ROBO2: variants seen among roughly 807,000 people sequenced by gnomAD.
ROBO2 encodes the protein roundabout homolog 2.
ROBO2 carries 53 observed loss-of-function variants against 160.8 expected under a neutral mutation model. The observed-to-expected ratio is 0.33, with a 90% CI of 0.26 to 0.41. ROBO2 has a LOEUF of 0.41. Among genes scored for constraint, ROBO2 ranks in the 10% least tolerant of loss-of-function variants. ROBO2 has a pLI of 1.00. For synonymous variants in ROBO2, 664 were observed against 611.7 expected, an observed-to-expected ratio of 1.09 and a Z score of -1.26; for missense variants, 1,577 against 1,722.4, an observed-to-expected ratio of 0.92 and a Z score of 1.49.
At chr3:76,756,009 A>G (rs2060948452) in intron 2 of ROBO2, among the ~76,000 whole-genome samples, 7 of 151,868 alleles carry the variant, frequency 4.6e-5, no homozygotes, top group Admixed American at 4.6e-4. Context: ...TTAATACCCT[A>G]TGTATGATAT....
chr3:75,916,192 G>T (rs1019380846), intron 1 of ROBO2, among the ~76,000 whole-genome samples: 2 of 152,128 alleles, frequency 1.3e-5, no homozygotes, highest in Non-Finnish European at 2.9e-5. Context: ...GCACATTATT[G>T]TTATGCACTG....
intron 2 of ROBO2, among the ~76,000 whole-genome samples, chr3:76,963,674 C>T (rs2079835085): frequency 1.3e-5 from 2 of 151,776 alleles, no homozygotes; most frequent in African/African-American, 4.8e-5. Flanking sequence ...TAACTTTCTT[C>T]TACCCATATT....
At chr3:76,718,804 T>C (rs527867072) in intron 2 of ROBO2, among the ~76,000 whole-genome samples, 1 of 152,358 alleles carries the variant, frequency 6.6e-6, no homozygotes, top group South Asian at 2.1e-4. Flanking sequence ...AGGTCACATA[T>C]TAAGGACTTT....
At chr3:76,608,311 G>A (rs1296675689) in intron 2 of ROBO2, among the ~76,000 whole-genome samples, 3 of 152,142 alleles carry the variant, frequency 2.0e-5, no homozygotes, top group Non-Finnish European at 4.4e-5. Context: ...ACCTTCAGTG[G>A]GGAGAGAAGA....
At chr3:76,578,063 G>C (rs1462733858) in intron 2 of ROBO2, among the ~76,000 whole-genome samples, 1 of 152,136 alleles carries the variant, frequency 6.6e-6, no homozygotes, top group Non-Finnish European at 1.5e-5. Context: ...AAAAGAGTCA[G>C]GTTGTTTAAA....
chr3:76,355,093 T>A (rs899695479), intron 2 of ROBO2, among the ~76,000 whole-genome samples: 2 of 151,310 alleles, frequency 1.3e-5, no homozygotes, highest in African/African-American at 4.8e-5. Context: ...TGTTTGCAAG[T>A]GATGCTATTA....
intron 6 of ROBO2, among the ~76,000 whole-genome samples, chr3:77,527,754 TAATC>T (rs755926402): frequency 4.7e-4 from 71 of 151,688 alleles, no homozygotes; most frequent in Non-Finnish European, 9.0e-4. Context: ...ATGTATAAAA[TAATC>T]AATTATTAGT....
At position 76,558,774 on chromosome 3, in the gene ROBO2, A is replaced by G. The variant is rs575600843; in HGVS notation, c.110-539240A>G. Among the ~76,000 whole-genome samples the G allele has an allele frequency of 2.3e-3, 345 of 152,272 alleles. 1 individual carries two copies. The highest frequency in any genetic ancestry group is 7.8e-3 in the African/African-American group (324 of 41,570). ...CTTGAAACATTGAACAATCGTTAGT[A>G]TTACATAGATATAGGCATATTGGTT... On this transcript the variant is annotated intron_variant, in intron 2 of 26. Transcript: ENST00000487694.
At chr3:76,016,756 C>T (rs1187366327) in intron 2 of ROBO2, among the ~76,000 whole-genome samples, 3 of 151,950 alleles carry the variant, frequency 2.0e-5, no homozygotes, top group Admixed American at 2.0e-4. Context: ...TCGTCTGCAC[C>T]TAGTAGGATC....
intron 2 of ROBO2, among the ~76,000 whole-genome samples, chr3:76,238,520 C>T (rs1342175563): frequency 6.6e-5 from 10 of 151,852 alleles, no homozygotes; most frequent in African/African-American, 1.5e-4. Context: ...GGGAAAACCA[C>T]GGCCATGATG....
intron 2 of ROBO2, among the ~76,000 whole-genome samples, chr3:77,162,544 G>C (rs527377419): frequency 1.3e-5 from 2 of 152,136 alleles, no homozygotes; most frequent in African/African-American, 2.4e-5. Flanking sequence ...CAAGTTCAGC[G>C]TCTTAGTGAG....
At chr3:76,119,919 T>C (rs2070664532) in intron 2 of ROBO2, among the ~76,000 whole-genome samples, 1 of 30,402 alleles carries the variant, frequency 3.3e-5, no homozygotes, top group Non-Finnish European at 7.7e-5. Flanking sequence ...CCTCCCTCCC[T>C]TCCTTCCTTC....
chr3:76,547,965 A>G (rs1285813026), intron 2 of ROBO2, among the ~76,000 whole-genome samples: 2 of 152,126 alleles, frequency 1.3e-5, no homozygotes, highest in African/African-American at 4.8e-5. Context: ...AGATTGAATT[A>G]TTTGTTTTAA....
intron 2 of ROBO2, among the ~76,000 whole-genome samples, chr3:76,892,566 G>T (rs2074430800): frequency 6.6e-6 from 1 of 151,996 alleles, no homozygotes; most frequent in African/African-American, 2.4e-5. Context: ...TGATTTCCCT[G>T]GTCCAACGTA....
intron 2 of ROBO2, among the ~76,000 whole-genome samples, chr3:76,907,845 TGTGTGTG>T (rs2075714568): frequency 6.6e-6 from 1 of 151,664 alleles, no homozygotes; most frequent in Non-Finnish European, 1.5e-5. Context: ...TGTGTGTGTG[TGTGTGTG>T]TGTTTGAGAT....
intron 2 of ROBO2, among the ~76,000 whole-genome samples, chr3:76,784,812 C>A (rs899905664): frequency 5.3e-5 from 8 of 151,140 alleles, no homozygotes; most frequent in African/African-American, 1.7e-4. Context: ...CTAGTTGTTA[C>A]CAGATGATAC....
At chr3:76,397,227 G>T (rs1337718989) in intron 2 of ROBO2, among the ~76,000 whole-genome samples, 1 of 152,144 alleles carries the variant, frequency 6.6e-6, no homozygotes, top group Non-Finnish European at 1.5e-5. Context: ...ATGGGGAAAG[G>T]ATTCCCTATT....
intron 2 of ROBO2, among the ~76,000 whole-genome samples, chr3:76,304,859 A>C (rs2071259023): frequency 1.3e-5 from 2 of 149,520 alleles, no homozygotes; most frequent in African/African-American, 2.5e-5. Context: ...CTGGACTAGA[A>C]AGATTTTTCT....
At chr3:77,273,168 G>A (rs371617775) in intron 2 of ROBO2, among the ~76,000 whole-genome samples, 2 of 151,722 alleles carry the variant, frequency 1.3e-5, no homozygotes, top group South Asian at 2.1e-4. Context: ...GTTTCCATGT[G>A]TGCACAATAT....
Sources: gnomAD v4.1 joint callset for allele counts (sites outside exome capture counted in the v4.1 genomes callset) on GRCh38, gnomAD v4.1.1 for gene constraint, MANE v1.5 for transcripts, NCBI Gene and HGNC (gene_info 2026-07-23, HGNC 2026-07-21) for gene names.